RMC1: variants seen among roughly 807,000 people sequenced by gnomAD.
RMC1 encodes regulator of MON1-CCZ1.
Under a neutral mutation model 95.5 loss-of-function variants are expected in RMC1, and 44 were observed. That is an observed-to-expected ratio of 0.46 (90% CI 0.36 to 0.59). The LOEUF (loss-of-function observed/expected upper bound fraction) is 0.59. Among genes scored for constraint, RMC1 ranks in the 20% least tolerant of loss-of-function variants. RMC1 has a pLI of 0.00. For synonymous variants in RMC1, 320 were observed against 303.6 expected (o/e 1.05, Z -0.56); for missense variants, 705 against 819.6 (o/e 0.86, Z 1.71).
At position 23,504,463 on chromosome 18, in the gene RMC1, C is replaced by T. The variant is rs745972666; in HGVS notation, c.179+16C>T. 2 of 1,579,380 alleles carry T rather than the reference C, an allele frequency of 1.3e-6. No individual in the cohort carries two copies. Among genetic ancestry groups the T allele is most frequent in the African/African-American group, 1.4e-5 (1 of 74,042 alleles). ...TCTCATTTAGGTAATGGTATAGACA[C>T]TTTCAGATCATTTTGTCATGTAAAC... is the stretch of plus-strand genomic sequence containing the variant. On this transcript the variant is annotated intron_variant, in intron 2 of 19. Coordinates refer to ENST00000269221, the MANE Select transcript of RMC1 (RefSeq NM_013326.5).
In RMC1 at chr18:23,530,054, A is replaced by T. The variant is rs2058443072; in HGVS notation, c.1521A>T (p.Lys507Asn). 6.2e-7 allele frequency: 1 copy of T among 1,614,036 alleles called. No homozygotes were observed. The highest frequency in any genetic ancestry group is 1.1e-5 in the South Asian group (1 of 91,082). ...ATTACCTACATGAACTTGTTATCAA[A>T]ACCCTTGTCCAGCACAACCTCTTTT... ...VQHYLHELVI[K>N]TLVQHNLFYM... The change falls in exon 17 of 20, where the codon AAA becomes AAT. Residue 507 changes from lysine to asparagine, a missense_variant. Transcript: ENST00000269221.
chr18:23,506,916 G>A (rs1300012998), intron 2 of RMC1, 54 bp from the exon 3 acceptor site: 1 of 1,191,496 alleles, frequency 8.4e-7, no homozygotes, highest in East Asian at 2.4e-5. Flanking sequence ...TTCAATAAAT[G>A]GTAGTAGCTA....
chr18:23,529,160 T>C lies in RMC1; in HGVS notation c.1297-19T>C. 1 of 1,606,240 alleles carries C rather than the reference T, an allele frequency of 6.2e-7. No homozygotes were observed. The highest frequency in any genetic ancestry group is 8.5e-7 in the Non-Finnish European group (1 of 1,177,708). ...CTCTAAGATGCCGAAGATCATAGTT[T>C]GTGGTTTTTTTCTTTCAGGCGGTGG... On this transcript the variant is annotated intron_variant, in intron 14 of 19. Transcript: ENST00000269221.
chr18:23,524,764 GC>G (rs937191740), intron 12 of RMC1, among the ~76,000 whole-genome samples: 5 of 151,828 alleles, frequency 3.3e-5, no homozygotes, highest in African/African-American at 1.2e-4. Context: ...TGGATGGAAA[GC>G]CGGACTCCAC....
chr18:23,520,392 C>T (rs924310875), intron 10 of RMC1, 79 bp downstream of exon 10: 23 of 1,169,390 alleles, frequency 2.0e-5, no homozygotes, highest in Middle Eastern at 2.0e-4. Flanking sequence ...TTGGGAGTCA[C>T]GTTAAAAGTG....
intron 12 of RMC1, among the ~76,000 whole-genome samples, chr18:23,524,796 T>A (rs1186939385): frequency 1.3e-5 from 2 of 151,768 alleles, no homozygotes; most frequent in African/African-American, 4.8e-5. Flanking sequence ...CTCCCTCATT[T>A]CTCCCATCGA....
rs190705201 is a variant in RMC1, at chr18:23,529,616, C to T, written c.1417-19C>T. 108 of 1,606,854 alleles carry T rather than the reference C, an allele frequency of 6.7e-5. No individual in the cohort carries two copies. The Admixed American group carries it at 1.1e-3, about 16-fold the overall frequency. Reference sequence around the variant, plus strand: ...TGCACCTCGTTGGTATTTGTAAGACCACATTTTTTTCTCCCTAGGAGATGC... The same window carrying T: ...TGCACCTCGTTGGTATTTGTAAGACTACATTTTTTTCTCCCTAGGAGATGC... On this transcript the variant is annotated intron_variant, in intron 15 of 19. Transcript: ENST00000269221.
chr18:23,516,387 C>T lies in RMC1; in HGVS notation c.617C>T (p.Pro206Leu), dbSNP rs201270524. The T allele has an allele frequency of 6.2e-7, 1 of 1,614,216 alleles. No homozygotes were observed. Among genetic ancestry groups the T allele is most frequent in the Middle Eastern group, 1.6e-4 (1 of 6,062 alleles). The change falls in exon 7 of 20, where the codon CCC becomes CTC. Residue 206 changes from proline to leucine, a missense_variant. By Grantham distance (98) the Pro-to-Leu change is moderately conservative (BLOSUM62 -3). Transcript: ENST00000269221. ...ELPAAPKSTKPSLSERDIAMA... is the reference protein window; with the variant it reads ...ELPAAPKSTKLSLSERDIAMA... ...CCAGCTGCGCCTAAGTCAACTAAAC[C>T]CAGCCTTTCCGAAAGAGACATCGCA...
At position 23,529,640 on chromosome 18, in the gene RMC1, G is replaced by A. The variant is rs2058425147; in HGVS notation, c.1422G>A (p.Met474Ile). The change falls in exon 16 of 20, where the codon ATG becomes ATA. Residue 474 changes from methionine to isoleucine, a missense_variant. Physicochemically the swap from Met to Ile is conservative, Grantham distance 10. Coordinates refer to ENST00000269221, the MANE Select transcript of RMC1 (RefSeq NM_013326.5). ...CCACATTTTTTTCTCCCTAGGAGATGCCTCATAAATTTGTGATAGCCGTGC... is the reference window on the plus strand; with the variant it reads ...CCACATTTTTTTCTCCCTAGGAGATACCTCATAAATTTGTGATAGCCGTGC... Reference protein sequence around the residue: ...VLSAFVEKKEMPHKFVIAVLM... With the variant: ...VLSAFVEKKEIPHKFVIAVLM... The A allele has an allele frequency of 6.2e-7, 1 of 1,614,018 alleles. No homozygotes were observed. Among genetic ancestry groups the A allele is most frequent in the South Asian group, 1.1e-5 (1 of 91,078 alleles).
intron 14 of RMC1, chr18:23,528,933 G>A (rs1280825577): frequency 4.9e-6 from 2 of 409,000 alleles, no homozygotes; most frequent in South Asian, 3.3e-5. Flanking sequence ...AGGCTGGAGT[G>A]CAATGGTGAG....
At chr18:23,526,811 G>C (rs368234582) in intron 13 of RMC1, 46 bp downstream of exon 13, 1 of 1,599,528 alleles carries the variant, frequency 6.3e-7, no homozygotes, top group Non-Finnish European at 8.5e-7. Flanking sequence ...TGTGAGGCCT[G>C]TGCTGCCCAA....
chr18:23,511,389 TG>T (rs1475132539), intron 5 of RMC1, among the ~76,000 whole-genome samples: 1 of 152,196 alleles, frequency 6.6e-6, no homozygotes, highest in Non-Finnish European at 1.5e-5. Context: ...ACTTAATACC[TG>T]GGTGATGAAA....
intron 1 of RMC1, 115 bp from the exon 2 acceptor site, chr18:23,504,256 T>C: frequency 4.9e-6 from 4 of 809,002 alleles, no homozygotes; most frequent in Non-Finnish European, 8.6e-6. Flanking sequence ...ATGTGCCGTG[T>C]TACTTTAGTT....
intron 12 of RMC1, among the ~76,000 whole-genome samples, chr18:23,526,302 C>T (rs1040357914): frequency 3.9e-5 from 6 of 152,124 alleles, no homozygotes; most frequent in East Asian, 1.9e-4. Context: ...CTATTTTAAA[C>T]GTTAAAAGAG....
chr18:23,517,547 C>A (rs1252463196), intron 7 of RMC1, among the ~76,000 whole-genome samples: 1 of 152,136 alleles, frequency 6.6e-6, no homozygotes, highest in East Asian at 1.9e-4. Context: ...AAAAGAACCC[C>A]TGTATGCCTG....
At chr18:23,508,351 G>A (rs2057765122) in intron 4 of RMC1, among the ~76,000 whole-genome samples, 1 of 152,190 alleles carries the variant, frequency 6.6e-6, no homozygotes, top group South Asian at 2.1e-4. Flanking sequence ...CAGCACATCT[G>A]GGTCTGGGCC....
At chr18:23,503,835 C>G in intron 1 of RMC1, 115 bp downstream of exon 1, 2 of 897,726 alleles carry the variant, frequency 2.2e-6, no homozygotes, top group Non-Finnish European at 3.1e-6. Context: ...CCCGTCCCGT[C>G]CCAGCGCGGG....
chr18:23,509,372 T>TATA, intron 5 of RMC1, 93 bp downstream of exon 5: 1 of 382,230 alleles, frequency 2.6e-6, no homozygotes, highest in Non-Finnish European at 4.4e-6. Flanking sequence ...TATATATATA[T>TATA]TTTAAACATT....
intron 2 of RMC1, chr18:23,506,610 T>TG (rs1345140744): frequency 4.1e-6 from 1 of 242,180 alleles, no homozygotes; most frequent in Non-Finnish European, 8.1e-6. Flanking sequence ...TGCTGTGAGA[T>TG]GCACAAGTAG....
Sources: gnomAD v4.1 joint callset for allele counts (sites outside exome capture counted in the v4.1 genomes callset) on GRCh38, gnomAD v4.1.1 for gene constraint, MANE v1.5 for transcripts, NCBI Gene and HGNC (gene_info 2026-07-23, HGNC 2026-07-21) for gene names.